LUZP2: variants seen among roughly 807,000 people sequenced by gnomAD.
LUZP2 encodes leucine zipper protein 2.
LUZP2 carries 52 observed loss-of-function variants against 51.6 expected under a neutral mutation model. The observed-to-expected ratio is 1.01, with a 90% confidence interval of 0.81 to 1.27. The LOEUF (loss-of-function observed/expected upper bound fraction) is 1.27, where lower values mean the gene tolerates loss of function less well. Among genes scored for constraint, LUZP2 ranks in the 50% most tolerant of loss-of-function variants. The pLI is 0.00. For synonymous variants in LUZP2, 154 were observed against 137.3 expected (o/e 1.12, Z -0.85); for missense variants, 436 against 395.4 (o/e 1.10, Z -0.87).
At chr11:24,686,719 T>G (rs1590347467) in intron 1 of LUZP2, among the ~76,000 whole-genome samples, 1 of 152,276 alleles carries the variant, frequency 6.6e-6, no homozygotes, top group Non-Finnish European at 1.5e-5. Flanking sequence ...AATTGTCCAG[T>G]GCTAATGAGA....
intron 5 of LUZP2, among the ~76,000 whole-genome samples, chr11:24,767,803 T>G (rs886203439): frequency 1.3e-5 from 2 of 152,162 alleles, no homozygotes; most frequent in East Asian, 1.9e-4. Flanking sequence ...TATACAGTTT[T>G]GCACCAGAAA....
intron 7 of LUZP2, among the ~76,000 whole-genome samples, chr11:24,918,888 A>C (rs560077561): frequency 1.4e-5 from 2 of 147,142 alleles, no homozygotes; most frequent in African/African-American, 4.9e-5. Flanking sequence ...TATATATTAT[A>C]TATAGTTATA....
At chr11:24,736,463 A>G (rs192582894) in intron 3 of LUZP2, among the ~76,000 whole-genome samples, 79 of 147,632 alleles carry the variant, frequency 5.4e-4, no homozygotes, top group African/African-American at 1.7e-3. Flanking sequence ...TTGGGATAAC[A>G]TGTAGGTCCT....
intron 5 of LUZP2, among the ~76,000 whole-genome samples, chr11:24,797,073 C>T (rs1481624995): frequency 1.3e-5 from 2 of 152,126 alleles, no homozygotes; most frequent in Non-Finnish European, 2.9e-5. Context: ...AGCCTCAATC[C>T]TGCATGAATA....
intron 1 of LUZP2, among the ~76,000 whole-genome samples, chr11:24,585,776 A>T (rs931964): frequency 6.6e-6 from 1 of 151,688 alleles, no homozygotes; most frequent in Non-Finnish European, 1.5e-5. Context: ...CCGCTTTCAG[A>T]CAAACCTATG....
chr11:24,798,187 G>A (rs188777995), intron 5 of LUZP2, among the ~76,000 whole-genome samples: 12 of 141,836 alleles, frequency 8.5e-5, no homozygotes, highest in African/African-American at 3.1e-4. Flanking sequence ...TTGAAGCTAG[G>A]GGCATCTTAT....
At chr11:24,817,572 A>G (rs1200090844) in intron 5 of LUZP2, among the ~76,000 whole-genome samples, 2 of 152,078 alleles carry the variant, frequency 1.3e-5, no homozygotes, top group East Asian at 3.9e-4. Context: ...TTTCCAAATA[A>G]TCTACAAAAA....
At chr11:24,574,258 TTCTTGC>T (rs1852555217) in intron 1 of LUZP2, among the ~76,000 whole-genome samples, 1 of 9,092 alleles carries the variant, frequency 1.1e-4, no homozygotes, top group Non-Finnish European at 3.2e-4. Context: ...CTTTCTTTCT[TTCTTGC>T]TTTCTTTCTT....
chr11:24,886,363 A>G (rs1590689894), intron 5 of LUZP2, among the ~76,000 whole-genome samples: 2 of 152,096 alleles, frequency 1.3e-5, no homozygotes, highest in South Asian at 2.1e-4. Context: ...CTTTTTCTCT[A>G]TTATTAACTC....
chr11:24,727,147 T>A (rs1328750125), intron 1 of LUZP2, among the ~76,000 whole-genome samples: 1 of 152,114 alleles, frequency 6.6e-6, no homozygotes, highest in Admixed American at 6.6e-5. Context: ...GGAAATGTTA[T>A]TTGTAATTTA....
At chr11:24,504,496 T>C (rs896436716) in intron 1 of LUZP2, among the ~76,000 whole-genome samples, 1 of 152,124 alleles carries the variant, frequency 6.6e-6, no homozygotes, top group Admixed American at 6.5e-5. Context: ...GAAACTTAAT[T>C]TTCCCCTCTG....
intron 1 of LUZP2, among the ~76,000 whole-genome samples, chr11:24,558,644 T>C (rs1851943338): frequency 6.6e-6 from 1 of 152,194 alleles, no homozygotes; most frequent in South Asian, 2.1e-4. Flanking sequence ...TCTAGTTCAA[T>C]AGTACTAGGA....
At chr11:24,594,534 A>G (rs1853367435) in intron 1 of LUZP2, among the ~76,000 whole-genome samples, 2 of 152,158 alleles carry the variant, frequency 1.3e-5, no homozygotes, top group South Asian at 4.1e-4. Flanking sequence ...CTGTAGATAA[A>G]CAGCCTTTCT....
chr11:24,916,064 T>A (rs1853780322), intron 7 of LUZP2, among the ~76,000 whole-genome samples: 1 of 152,064 alleles, frequency 6.6e-6, no homozygotes, highest in Admixed American at 6.6e-5. Flanking sequence ...AACATTTACA[T>A]TTCATCCTAA....
intron 5 of LUZP2, among the ~76,000 whole-genome samples, chr11:24,870,432 A>G (rs945536410): frequency 6.6e-6 from 1 of 151,394 alleles, no homozygotes; most frequent in African/African-American, 2.4e-5. Flanking sequence ...TTCTCCAGTT[A>G]TTCTGTATCT....
intron 9 of LUZP2, among the ~76,000 whole-genome samples, chr11:24,989,414 T>C (rs1476880264): frequency 1.4e-4 from 22 of 152,078 alleles, no homozygotes; most frequent in Admixed American, 1.1e-3. Flanking sequence ...CAGGGAAATA[T>C]AATGTCTTTA....
chr11:24,527,567 T>TCTCTCTCACA (rs796404136), intron 1 of LUZP2, among the ~76,000 whole-genome samples: 2 of 131,644 alleles, frequency 1.5e-5, no homozygotes, highest in South Asian at 5.0e-4. Context: ...TCTCTCTCTC[T>TCTCTCTCACA]CACACACACA....
chr11:24,729,173 G>A lies in LUZP2; in HGVS notation c.67G>A (p.Asp23Asn). Residue 23 changes from aspartate to asparagine, a missense_variant, in exon 2 of 12, where the codon GAC becomes AAC. By Grantham distance (23) the Asp-to-Asn change is conservative (BLOSUM62 1). Transcript: ENST00000336930. ...TGCCTGTTCTTTCTGTGTTAGACAGGACTATGAAGAGCTAGAAAAGCAGCT... is the reference window on the plus strand; with the variant it reads ...TGCCTGTTCTTTCTGTGTTAGACAGAACTATGAAGAGCTAGAAAAGCAGCT... ...LPALVLSTRQ[D>N]YEELEKQLKE... 1 of 1,555,746 alleles carries A rather than the reference G, an allele frequency of 6.4e-7. No individual in the cohort carries two copies. The highest frequency in any genetic ancestry group is 8.8e-7 in the Non-Finnish European group (1 of 1,140,598).
intron 1 of LUZP2, among the ~76,000 whole-genome samples, chr11:24,544,083 A>G (rs1389856056): frequency 6.6e-6 from 1 of 151,886 alleles, no homozygotes; most frequent in African/African-American, 2.4e-5. Flanking sequence ...TCATGCCTTT[A>G]AAATATCATT....
Sources: allele counts gnomAD v4.1 joint callset (sites outside exome capture counted in the v4.1 genomes callset), GRCh38; gene constraint gnomAD v4.1.1; transcripts MANE v1.5; gene names NCBI Gene and HGNC (gene_info 2026-07-23, HGNC 2026-07-21).